CPD: variants seen among roughly 807,000 people sequenced by gnomAD.
CPD encodes carboxypeptidase D, also known as metallocarboxypeptidase D.
CPD carries 69 observed loss-of-function variants against 138.3 expected under a neutral mutation model. The ratio of observed to expected loss-of-function variants is 0.50; its 90% confidence interval spans 0.41 to 0.61. The LOEUF is 0.61. CPD is among the 20% of genes least tolerant of loss of function. The pLI is 0.00. For missense variants in CPD, 1,432 were observed against 1,733.3 expected (o/e 0.83, Z 3.09); for synonymous variants, 651 against 642.1 (o/e 1.01, Z -0.21).
At position 30,385,233 on chromosome 17, in the gene CPD, GA is replaced by G; in HGVS notation, c.993del (p.Gly332ValfsTer18). ...ITNGAHWYDVEGGMQDYNYVW... is the reference protein window; with the variant it reads ...ITNGAHWYDVXGGMQDYNYVW... ...AAACGGCGCACATTGGTATGATGTGGAAGGTATGCAAAGCATTGAGTTTGCT... is the reference window on the plus strand; with the variant it reads ...AAACGGCGCACATTGGTATGATGTGGAGGTATGCAAAGCATTGAGTTTGCT... On this transcript the variant is annotated frameshift_variant and splice_region_variant, in exon 2 of 21. Transcript: ENST00000225719. LOFTEE classifies it high-confidence loss of function. The G allele has an allele frequency of 6.2e-7, 1 of 1,613,874 alleles. No homozygotes were observed. Among genetic ancestry groups the G allele is most frequent in the South Asian group, 1.1e-5 (1 of 91,046 alleles).
rs771827800 is a variant in CPD at position 30,461,921 on chromosome 17, G to A, written c.3675G>A (p.Lys1225=). The A allele has an allele frequency of 4.4e-6, 7 of 1,608,354 alleles. No individual in the cohort carries two copies. The highest frequency in any genetic ancestry group is 1.3e-5 in the African/African-American group (1 of 74,672). ...GATTTGTTAAAGATAAGACTGGAAA[G>A]CCAATCTCTAAAGCAGTCATTGTAC... is the stretch of plus-strand genomic sequence containing the variant. ...VHGFVKDKTG[K]PISKAVIVLN... is the part of the protein sequence containing the mutation. Residue 1225 remains lysine, a synonymous_variant, in exon 19 of 21, where the codon AAG becomes AAA. Transcript: ENST00000225719.
rs912836198 is a variant in CPD at position 30,461,417 on chromosome 17, A to G, written c.3630+106A>G. ...CAAAAATGTATATTATTTATTTTAA[A>G]TTTATATAGAAAGAAGAGTTTTGGT... On this transcript the variant is annotated intron_variant, in intron 18 of 20. Transcript: ENST00000225719. The G allele has an allele frequency of 3.6e-6, 3 of 822,246 alleles. No homozygotes were observed. In the African/African-American group the frequency reaches 5.4e-5, roughly 15 times the overall value. The allele number at this position is 822,246 out of a possible 1,614,324, so 50.9% of individuals were successfully genotyped here.
chr17:30,461,092 C>A (rs1850745330), intron 17 of CPD, 88 bp from the exon 18 acceptor site: 8 of 1,040,266 alleles, frequency 7.7e-6, no homozygotes, highest in Middle Eastern at 6.9e-4. Flanking sequence ...GTTTTCTTTT[C>A]ATTTACTCCA....
chr17:30,414,582 GAAA>G (rs79924787), intron 2 of CPD, among the ~76,000 whole-genome samples: 1 of 136,220 alleles, frequency 7.3e-6, no homozygotes, highest in Non-Finnish European at 1.6e-5. Flanking sequence ...GACTGTCTCG[GAAA>G]AAAAAAAAAA....
chr17:30,408,145 C>G (rs1911856420), intron 2 of CPD, among the ~76,000 whole-genome samples: 1 of 152,110 alleles, frequency 6.6e-6, no homozygotes, highest in Non-Finnish European at 1.5e-5. Context: ...GGTGTTATTT[C>G]TAAGGCCTCT....
chr17:30,462,540 CCT>C (rs1410620408), intron 20 of CPD, 71 bp downstream of exon 20: 9 of 1,013,126 alleles, frequency 8.9e-6, no homozygotes, highest in Non-Finnish European at 1.2e-5. Context: ...GAGTGGGTCA[CCT>C]CTCTCATATT....
chr17:30,434,097 C>T (rs1162285527), intron 8 of CPD, among the ~76,000 whole-genome samples: 1 of 152,112 alleles, frequency 6.6e-6, no homozygotes, highest in Non-Finnish European at 1.5e-5. Context: ...TTTATTTTTA[C>T]TCTTCAAAAC....
intron 14 of CPD, among the ~76,000 whole-genome samples, chr17:30,453,835 C>T (rs904115750): frequency 1.1e-4 from 16 of 152,160 alleles, no homozygotes; most frequent in South Asian, 2.1e-4. Context: ...TTTGCACCCG[C>T]GGGCTCAATG....
At position 30,464,797 on chromosome 17, in the gene CPD, T is replaced by C. The variant is rs956810481; in HGVS notation, c.4126T>C (p.Tyr1376His). The change falls in exon 21 of 21, where the codon TAT (tyrosine) becomes CAT (histidine). Residue 1376 changes from tyrosine to histidine, a missense_variant. Tyr to His is a moderately conservative substitution (Grantham distance 83). Coordinates refer to ENST00000225719, the MANE Select transcript of CPD (RefSeq NM_001304.5). ...DETDTEEETL[Y>H]SSKH Reference sequence around the variant, plus strand: ...AACAGACACTGAAGAGGAAACATTATATTCTAGCAAACATTGAAAAACACA... The same window carrying C: ...AACAGACACTGAAGAGGAAACATTACATTCTAGCAAACATTGAAAAACACA... 5.0e-6 allele frequency: 8 copies of C among 1,613,634 alleles called. No individual in the cohort carries two copies. Among genetic ancestry groups the C allele is most frequent in the African/African-American group, 2.7e-5 (2 of 74,918 alleles).
chr17:30,402,784 T>G (rs1366751767), intron 2 of CPD, among the ~76,000 whole-genome samples: 3 of 152,166 alleles, frequency 2.0e-5, no homozygotes, highest in African/African-American at 7.2e-5. Flanking sequence ...TGCTATGAGA[T>G]CTGGGTCTTG....
At chr17:30,425,882 C>T (rs1220166489) in intron 6 of CPD, among the ~76,000 whole-genome samples, 1 of 152,176 alleles carries the variant, frequency 6.6e-6, no homozygotes, top group African/African-American at 2.4e-5. Flanking sequence ...TTTTTAAACA[C>T]GCAATGTGAA....
At chr17:30,446,865 A>G (rs551618064) in intron 12 of CPD, among the ~76,000 whole-genome samples, 1 of 152,278 alleles carries the variant, frequency 6.6e-6, no homozygotes, top group African/African-American at 2.4e-5. Context: ...AATGATTGCT[A>G]TTCTAACTGA....
chr17:30,406,309 C>A (rs1037393781), intron 2 of CPD, among the ~76,000 whole-genome samples: 3 of 152,032 alleles, frequency 2.0e-5, no homozygotes, highest in African/African-American at 7.2e-5. Flanking sequence ...ATGAATCTGA[C>A]TTTTAGTAAT....
At chr17:30,452,497 C>T (rs1368297324) in intron 14 of CPD, among the ~76,000 whole-genome samples, 1 of 150,352 alleles carries the variant, frequency 6.7e-6, no homozygotes, top group Admixed American at 6.7e-5. Flanking sequence ...GTCTTGAACT[C>T]CCGACCTCGG....
intron 8 of CPD, among the ~76,000 whole-genome samples, chr17:30,438,246 A>G (rs891944613): frequency 6.6e-6 from 1 of 152,066 alleles, no homozygotes; most frequent in Non-Finnish European, 1.5e-5. Context: ...AAAGAGATAA[A>G]TGAAGTTTTG....
chr17:30,427,144 T>C (rs918544648), intron 6 of CPD, among the ~76,000 whole-genome samples: 20 of 148,946 alleles, frequency 1.3e-4, no homozygotes, highest in Non-Finnish European at 1.5e-4. Context: ...ATTGCGCCAC[T>C]GCACTCCAGC....
At chr17:30,447,114 A>T (rs952816520) in intron 12 of CPD, among the ~76,000 whole-genome samples, 2 of 152,080 alleles carry the variant, frequency 1.3e-5, no homozygotes, top group Non-Finnish European at 2.9e-5. Context: ...ATTTTCTTCC[A>T]TTCTGTAGGT....
intron 2 of CPD, among the ~76,000 whole-genome samples, chr17:30,419,633 A>AC (rs1222679709): frequency 1.3e-5 from 2 of 152,102 alleles, no homozygotes; most frequent in Non-Finnish European, 2.9e-5. Flanking sequence ...GGGCCATTGC[A>AC]CCCAGCCTAA....
chr17:30,456,205 A>G (rs747885473), intron 15 of CPD, 51 bp from the exon 16 acceptor site: 18 of 1,447,286 alleles, frequency 1.2e-5, no homozygotes, highest in Admixed American at 3.9e-5. Context: ...AACTTGGGGG[A>G]AAAAAATCAT....
Sources: gnomAD v4.1 joint callset for allele counts (sites outside exome capture counted in the v4.1 genomes callset) on GRCh38, gnomAD v4.1.1 for gene constraint, MANE v1.5 for transcripts, NCBI Gene and HGNC (gene_info 2026-07-23, HGNC 2026-07-21) for gene names.